Variants in SCAI observed in about 807,000 individuals in gnomAD.
The protein encoded by SCAI is protein SCAI.
In SCAI, 24 loss-of-function variants were observed where a neutral mutation model predicts 92.2. The ratio of observed to expected loss-of-function variants is 0.26; its 90% CI spans 0.19 to 0.37. The LOEUF (loss-of-function observed/expected upper bound fraction) is 0.37. SCAI is among the 10% of genes least tolerant of loss of function. The pLI is 1.00. For synonymous variants in SCAI, 261 were observed against 258.6 expected (o/e 1.01, Z -0.09); for missense variants, 450 against 736.2 (o/e 0.61, Z 4.50).
At position 125,032,170 on chromosome 9, in the gene SCAI, A is replaced by AATATATATAT. The variant is rs1195663083; in HGVS notation, c.231-2441_231-2432dup. On this transcript the variant is annotated intron_variant, in intron 3 of 17. Coordinates refer to ENST00000336505, the MANE Select transcript of SCAI (RefSeq NM_001144877.3). ...CACTCAAATGTTTAATAGTAAAATG[A>AATATATATAT]ATATATATATATATATATATATATA... Among the ~76,000 whole-genome samples, 137 of 118,674 alleles carry AATATATATAT rather than the reference A, an allele frequency of 1.2e-3. 1 individual carries two copies. Among genetic ancestry groups the AATATATATAT allele is most frequent in the African/African-American group, 4.4e-3 (125 of 28,222 alleles). 77.9% of individuals were successfully genotyped at this position (118,674 alleles called of 152,430 possible).
At chr9:125,128,354 C>T (rs1043484106) in intron 2 of SCAI, among the ~76,000 whole-genome samples, 9 of 151,272 alleles carry the variant, frequency 5.9e-5, no homozygotes, top group Non-Finnish European at 1.2e-4. Flanking sequence ...GTGCGGTGGC[C>T]CACACTTGTA....
At chr9:125,087,966 C>G (rs769149436) in intron 2 of SCAI, among the ~76,000 whole-genome samples, 8 of 152,110 alleles carry the variant, frequency 5.3e-5, no homozygotes, top group South Asian at 2.1e-4. Flanking sequence ...AACTGGCCAT[C>G]AATTCATGAT....
At chr9:124,989,247 C>T (rs1285814424) in intron 14 of SCAI, among the ~76,000 whole-genome samples, 1 of 152,088 alleles carries the variant, frequency 6.6e-6, no homozygotes, top group Non-Finnish European at 1.5e-5. Context: ...AAATGTGTTG[C>T]ATAAAAAAGA....
intron 2 of SCAI, among the ~76,000 whole-genome samples, chr9:125,139,654 AT>A (rs958342319): frequency 1.3e-5 from 2 of 152,256 alleles, no homozygotes; most frequent in South Asian, 2.1e-4. Flanking sequence ...AATAAAGGCA[AT>A]TTTTTTATAT....
Position 124,952,712 on chromosome 9 carries a change from T to C in SCAI, c.*95A>G. On this transcript the variant is annotated 3_prime_UTR_variant, in exon 18 of 18. Transcript: ENST00000336505. ...TGGCCCTAAATTAAAAAATAAAAACTAAGTAACACCACTATGTGTCTTATC... is the reference window on the plus strand; with the variant it reads ...TGGCCCTAAATTAAAAAATAAAAACCAAGTAACACCACTATGTGTCTTATC... 1.1e-6 allele frequency: 1 copy of C among 945,378 alleles called. No individual in the cohort carries two copies. Among genetic ancestry groups the C allele is most frequent in the Admixed American group, 3.0e-5 (1 of 32,940 alleles). 58.6% of individuals were successfully genotyped at this position (945,378 alleles called of 1,614,324 possible). A position where few individuals can be genotyped will look rare whatever the true frequency, so the allele number is the denominator to read the frequency against.
chr9:124,990,501 A>G (rs1317751894), intron 14 of SCAI, among the ~76,000 whole-genome samples: 1 of 152,138 alleles, frequency 6.6e-6, no homozygotes, highest in African/African-American at 2.4e-5. Flanking sequence ...ACAAAACAAA[A>G]CAAAACAAAT....
chr9:125,095,984 A>G (rs1834543859), intron 2 of SCAI, among the ~76,000 whole-genome samples: 1 of 152,216 alleles, frequency 6.6e-6, no homozygotes, highest in Admixed American at 6.5e-5. Context: ...ATTTCCTCCC[A>G]ACCCTGTGCT....
chr9:125,016,086 C>T (rs1455878114), intron 9 of SCAI, among the ~76,000 whole-genome samples: 5 of 148,908 alleles, frequency 3.4e-5, no homozygotes, highest in Non-Finnish European at 7.4e-5. Context: ...TGCTAAAAGA[C>T]GAGTTAATGG....
intron 7 of SCAI, among the ~76,000 whole-genome samples, chr9:125,019,815 T>C (rs1046717121): frequency 6.6e-6 from 1 of 152,232 alleles, no homozygotes; most frequent in African/African-American, 2.4e-5. Flanking sequence ...GGCTCATGCC[T>C]GTAATCCCAG....
chr9:125,005,930 A>T (rs1832496993), intron 9 of SCAI, among the ~76,000 whole-genome samples: 1 of 152,230 alleles, frequency 6.6e-6, no homozygotes, highest in African/African-American at 2.4e-5. Flanking sequence ...ATTCACGGCC[A>T]TATGCTGATT....
intron 16 of SCAI, 50 bp downstream of exon 16, chr9:124,971,621 A>G (rs1467705043): frequency 1.3e-6 from 2 of 1,484,014 alleles, no homozygotes; most frequent in African/African-American, 2.8e-5. Context: ...TAACCATTTT[A>G]AGCCATTATA....
intron 2 of SCAI, among the ~76,000 whole-genome samples, chr9:125,088,124 G>T (rs550057836): frequency 6.6e-6 from 1 of 151,990 alleles, no homozygotes; most frequent in Non-Finnish European, 1.5e-5. Flanking sequence ...TTGAGACAGG[G>T]TCTCACTGTC....
chr9:125,011,523 T>C (rs1255583757), intron 9 of SCAI, among the ~76,000 whole-genome samples: 1 of 152,158 alleles, frequency 6.6e-6, no homozygotes, highest in African/African-American at 2.4e-5. Flanking sequence ...CCAAGAAATA[T>C]GGGACTATGT....
intron 9 of SCAI, among the ~76,000 whole-genome samples, chr9:125,005,628 G>T (rs1256906792): frequency 6.6e-6 from 1 of 152,230 alleles, no homozygotes; most frequent in Admixed American, 6.5e-5. Context: ...ACTGCGCCCA[G>T]CCAAGAGACG....
chr9:125,073,124 A>ATTTTTTTTT (rs1834013507), intron 2 of SCAI, among the ~76,000 whole-genome samples: 1 of 22,330 alleles, frequency 4.5e-5, no homozygotes, highest in Non-Finnish European at 9.0e-5. Context: ...TTTTTTTTTG[A>ATTTTTTTTT]GACGGAGTCT....
In SCAI at chr9:125,114,768, CTTTTTTT is replaced by C. The variant is rs10541713; in HGVS notation, c.98+27858_98+27864del. 6.4e-3 allele frequency among the ~76,000 whole-genome samples: 521 copies of C among 81,664 alleles called. 5 individuals are homozygous for C. The highest frequency in any genetic ancestry group is 0.025 in the African/African-American group (460 of 18,702). The allele number at this position is 81,664 out of a possible 152,430, so 53.6% of individuals were successfully genotyped here. ...TACAGGTGCGTGTCACCACACCCGG[CTTTTTTT>C]TTTTTTTTTTTTTTTTGAGAGGGAG... On this transcript the variant is annotated intron_variant, in intron 2 of 17. Transcript: ENST00000336505.
At chr9:125,136,746 A>G (rs1304071273) in intron 2 of SCAI, among the ~76,000 whole-genome samples, 1 of 150,052 alleles carries the variant, frequency 6.7e-6, no homozygotes, top group Non-Finnish European at 1.5e-5. Flanking sequence ...GGTGTGAGCC[A>G]GCATGCCCGG....
intron 14 of SCAI, among the ~76,000 whole-genome samples, chr9:124,977,665 C>T (rs1052688706): frequency 3.3e-5 from 5 of 152,276 alleles, no homozygotes; most frequent in South Asian, 2.1e-4. Context: ...CAGAGCGAGA[C>T]CCTGTCTCAA....
chr9:124,977,084 G>T (rs1483137865), intron 14 of SCAI, among the ~76,000 whole-genome samples: 1 of 152,010 alleles, frequency 6.6e-6, no homozygotes, highest in East Asian at 1.9e-4. Context: ...GCCCAGGCTG[G>T]TCTTAAATTC....
Sources: gnomAD v4.1 joint callset for allele counts (sites outside exome capture counted in the v4.1 genomes callset) on GRCh38, gnomAD v4.1.1 for gene constraint, MANE v1.5 for transcripts, NCBI Gene and HGNC (gene_info 2026-07-23, HGNC 2026-07-21) for gene names.